ICA1: variants seen among roughly 807,000 people sequenced by gnomAD.
ICA1 encodes the protein 69 kDa islet cell autoantigen.
ICA1 carries 40 observed loss-of-function variants against 71.0 expected under a neutral mutation model. That is an observed-to-expected ratio of 0.56 (90% CI 0.44 to 0.73). The LOEUF (loss-of-function observed/expected upper bound fraction) is 0.73. Among genes scored for constraint, ICA1 ranks in the 30% least tolerant of loss-of-function variants. The pLI, the probability that ICA1 is intolerant of heterozygous loss-of-function variation, is 0.00. For missense variants in ICA1, 578 were observed against 576.5 expected (o/e 1.00, Z -0.03); for synonymous variants, 207 against 209.5 (o/e 0.99, Z 0.10).
chr7:8,119,437 G>C (rs1309105195), intron 13 of ICA1, among the ~76,000 whole-genome samples: 1 of 152,212 alleles, frequency 6.6e-6, no homozygotes, highest in African/African-American at 2.4e-5. Context: ...GCATTCCTAA[G>C]AGGAGGCAGA....
At chr7:8,221,134 C>T (rs1392882540) in intron 5 of ICA1, 141 bp downstream of exon 5, 1 of 854,574 alleles carries the variant, frequency 1.2e-6, no homozygotes. Context: ...GTACAAACTG[C>T]CTAACTAGTG....
intron 12 of ICA1, among the ~76,000 whole-genome samples, chr7:8,128,506 T>C (rs2128069420): frequency 6.6e-6 from 1 of 152,256 alleles, no homozygotes; most frequent in South Asian, 2.1e-4. Flanking sequence ...GCTTCCCAAA[T>C]CTTCCCACGC....
chr7:8,230,258 A>C (rs995279725), intron 3 of ICA1, among the ~76,000 whole-genome samples: 8 of 152,336 alleles, frequency 5.3e-5, no homozygotes, highest in South Asian at 2.1e-4. Flanking sequence ...AACTCAGCGC[A>C]ATATTTCTAT....
At chr7:8,153,682 G>A (rs1306974224) in intron 8 of ICA1, among the ~76,000 whole-genome samples, 3 of 151,998 alleles carry the variant, frequency 2.0e-5, no homozygotes, top group Non-Finnish European at 2.9e-5. Context: ...CTTAGTCTAA[G>A]TTACTTTCTC....
chr7:8,214,654 A>T (rs1427022793), intron 6 of ICA1, among the ~76,000 whole-genome samples: 1 of 152,182 alleles, frequency 6.6e-6, no homozygotes, highest in African/African-American at 2.4e-5. Flanking sequence ...CCCCCGACAC[A>T]GACACTTAAT....
At position 8,157,183 on chromosome 7, in the gene ICA1, G is replaced by A. The variant is rs754615362; in HGVS notation, c.737C>T (p.Ser246Phe). The A allele has an allele frequency of 6.2e-7, 1 of 1,606,806 alleles. No individual in the cohort carries two copies. The highest frequency in any genetic ancestry group is 8.5e-7 in the Non-Finnish European group (1 of 1,178,116). Residue 246 changes from serine to phenylalanine, a missense_variant, in exon 8 of 14, where the codon TCT (serine) becomes TTT (phenylalanine). Physicochemically the swap from Ser to Phe is radical, Grantham distance 155 (BLOSUM62 -2). Transcript: ENST00000402384. ...TTLLHFWEKT[S>F]HTMAAIHESF... ...CTCATGGATGGCTGCCATAGTGTGA[G>A]AAGTTTTCTCCCAAAAATGAAGCAG...
At chr7:8,177,257 T>C (rs1780906173) in intron 6 of ICA1, among the ~76,000 whole-genome samples, 1 of 152,254 alleles carries the variant, frequency 6.6e-6, no homozygotes, top group Admixed American at 6.5e-5. Context: ...AATATGTAGA[T>C]ACATTTCAGG....
chr7:8,191,859 C>A (rs62433174), intron 6 of ICA1, among the ~76,000 whole-genome samples: 5,811 of 152,036 alleles, frequency 0.038, 133 homozygotes, highest in South Asian at 0.062. Context: ...AAATTCAAAT[C>A]ACAAAGACAC....
At chr7:8,134,637 G>A (rs572699503) in intron 12 of ICA1, among the ~76,000 whole-genome samples, 1 of 152,164 alleles carries the variant, frequency 6.6e-6, no homozygotes, top group East Asian at 1.9e-4. Flanking sequence ...TCCTCACATC[G>A]CCCAAAGAGA....
intron 1 of ICA1, among the ~76,000 whole-genome samples, chr7:8,247,103 T>C (rs569985840): frequency 4.7e-4 from 71 of 152,086 alleles, no homozygotes; most frequent in African/African-American, 1.6e-3. Context: ...CCCGTGTAGA[T>C]GGGCAAAAGA....
rs1490913219 is a variant in ICA1 at position 8,173,916 on chromosome 7, C to T, written c.580-15264G>A. Reference sequence around the variant, plus strand: ...TTATGTTGTAGTGGGTGAAACTGGACAATAAATAACAAAAGTAAACATATT... The same window carrying T: ...TTATGTTGTAGTGGGTGAAACTGGATAATAAATAACAAAAGTAAACATATT... On this transcript the variant is annotated intron_variant, in intron 6 of 13. Coordinates refer to ENST00000402384, the MANE Select transcript of ICA1 (RefSeq NM_001136020.3). This position sits in a 1 kb window ranked among gnomAD's most constrained non-coding sequence, Gnocchi z 4.0. 6.6e-6 allele frequency among the ~76,000 whole-genome samples: 1 copy of T among 151,836 alleles called. No homozygotes were observed. Among genetic ancestry groups the T allele is most frequent in the Non-Finnish European group, 1.5e-5 (1 of 67,974 alleles).
chr7:8,204,332 AGT>A (rs901986020), intron 6 of ICA1, among the ~76,000 whole-genome samples: 10 of 152,222 alleles, frequency 6.6e-5, no homozygotes, highest in Non-Finnish European at 1.3e-4. Flanking sequence ...TTCAAATTCT[AGT>A]TCACACGTAT....
Position 8,144,429 on chromosome 7 carries a change from C to T in ICA1, c.805-457G>A, listed in dbSNP as rs1796216203. Reference sequence around the variant, plus strand: ...GTTTTAAATTTTGTTTGCTATTTTGCAATCTAAAACCCAGTTTTAAAAAAT... The same window carrying T: ...GTTTTAAATTTTGTTTGCTATTTTGTAATCTAAAACCCAGTTTTAAAAAAT... On this transcript the variant is annotated intron_variant, in intron 8 of 13. Transcript: ENST00000402384. This position sits in a 1 kb window ranked among gnomAD's most constrained non-coding sequence, Gnocchi z 4.5. Among the ~76,000 whole-genome samples the T allele has an allele frequency of 6.6e-6, 1 of 152,154 alleles. No homozygotes were observed. The highest frequency in any genetic ancestry group is 2.4e-5 in the African/African-American group (1 of 41,438).
chr7:8,229,241 A>G (rs947381019), intron 3 of ICA1, among the ~76,000 whole-genome samples: 1 of 152,138 alleles, frequency 6.6e-6, no homozygotes, highest in Non-Finnish European at 1.5e-5. Flanking sequence ...AGTCCCCATC[A>G]CTCCTTATTT....
intron 8 of ICA1, 130 bp downstream of exon 8, chr7:8,156,986 G>C (rs889242843): frequency 6.3e-7 from 1 of 1,580,416 alleles, no homozygotes; most frequent in Admixed American, 1.8e-5. Flanking sequence ...AGACTCTGCT[G>C]GGGGCACAGT....
At chr7:8,221,211 G>C (rs1796948598) in intron 5 of ICA1, 64 bp downstream of exon 5, 1 of 1,597,652 alleles carries the variant, frequency 6.3e-7, no homozygotes, top group Admixed American at 1.7e-5. Context: ...TCCCTTTCGT[G>C]AGTAGGTGGG....
chr7:8,142,457 C>T (rs10249650), intron 9 of ICA1, among the ~76,000 whole-genome samples: 146,908 of 152,364 alleles, frequency 0.96, 70,829 homozygotes, highest in East Asian at 1. Context: ...AAAAATGAAG[C>T]ACTGAAGTAT....
intron 6 of ICA1, among the ~76,000 whole-genome samples, chr7:8,205,743 G>C (rs1395423271): frequency 6.6e-6 from 1 of 152,238 alleles, no homozygotes; most frequent in African/African-American, 2.4e-5. Flanking sequence ...AAAAGGAACT[G>C]ATGAAATCGC....
intron 8 of ICA1, among the ~76,000 whole-genome samples, chr7:8,155,819 A>C (rs963390481): frequency 6.6e-6 from 1 of 152,188 alleles, no homozygotes; most frequent in African/African-American, 2.4e-5. Flanking sequence ...GGTGCAGTAA[A>C]TCAGAGATGA....
Sources: allele counts gnomAD v4.1 joint callset (sites outside exome capture counted in the v4.1 genomes callset), GRCh38; gene constraint gnomAD v4.1.1; non-coding constraint Gnocchi (gnomAD v3.1); transcripts MANE v1.5; gene names NCBI Gene and HGNC (gene_info 2026-07-23, HGNC 2026-07-21).